Variants in CACNB2 observed in about 807,000 individuals in gnomAD.
CACNB2 encodes the protein calcium voltage-gated channel auxiliary subunit beta 2.
In CACNB2, 42 loss-of-function variants were observed where a neutral mutation model predicts 73.3. That is an observed-to-expected ratio of 0.57 (90% confidence interval 0.45 to 0.74). The LOEUF is 0.74. Ranked by LOEUF, CACNB2 falls within the 30% of genes least tolerant of loss-of-function variation. The pLI is 0.00. For synonymous variants in CACNB2, 348 were observed against 310.3 expected (o/e 1.12, Z -1.28); for missense variants, 940 against 853.0 (o/e 1.10, Z -1.27).
rs2035428589 is a variant in CACNB2 at position 18,214,251 on chromosome 10, T to C, written c.213+63276T>C. ...CCGGTTCTGATTTGGAAACAAGCAT[T>C]GCTGCCTGGAATGGATTAAAAACAG... On this transcript the variant is annotated intron_variant, in intron 2 of 13. Coordinates refer to ENST00000324631, the MANE Select transcript of CACNB2 (RefSeq NM_201596.3). 6.2e-5 allele frequency among the ~76,000 whole-genome samples: 3 copies of C among 48,592 alleles called. 1 individual carries two copies. The highest frequency in any genetic ancestry group is 1.3e-4 in the African/African-American group (3 of 22,228). 31.9% of individuals were successfully genotyped at this position (48,592 alleles called of 152,430 possible).
At chr10:18,472,527 G>T (rs996475958) in intron 3 of CACNB2, among the ~76,000 whole-genome samples, 10 of 152,120 alleles carry the variant, frequency 6.6e-5, no homozygotes, top group African/African-American at 2.4e-4. Context: ...ATGAGCCACT[G>T]TGCCTGGCCC....
intron 3 of CACNB2, among the ~76,000 whole-genome samples, chr10:18,495,563 G>GTGTGTC: frequency 6.9e-6 from 1 of 144,580 alleles, no homozygotes; most frequent in South Asian, 2.2e-4. Context: ...GTGTGTGTGT[G>GTGTGTC]TGTGTGTGTG....
chr10:18,449,750 C>A (rs1214649118), intron 3 of CACNB2, among the ~76,000 whole-genome samples: 1 of 152,222 alleles, frequency 6.6e-6, no homozygotes, highest in African/African-American at 2.4e-5. Flanking sequence ...TTCCCACTTC[C>A]CTTAACCATG....
intron 2 of CACNB2, among the ~76,000 whole-genome samples, chr10:18,155,178 T>C (rs1319375671): frequency 6.6e-6 from 1 of 152,224 alleles, no homozygotes; most frequent in Non-Finnish European, 1.5e-5. Flanking sequence ...CAGCCTCACC[T>C]GTCCCCTTTT....
chr10:18,480,453 A>G (rs1403432679), intron 3 of CACNB2, among the ~76,000 whole-genome samples: 1 of 152,198 alleles, frequency 6.6e-6, no homozygotes, highest in African/African-American at 2.4e-5. Context: ...AGTGCAATGA[A>G]TGATGTTGTT....
intron 2 of CACNB2, among the ~76,000 whole-genome samples, chr10:18,400,230 G>T (rs2043921266): frequency 6.6e-6 from 1 of 152,178 alleles, no homozygotes; most frequent in African/African-American, 2.4e-5. Context: ...AGCATTATTT[G>T]ATTTTTGCTA....
In CACNB2 at chr10:18,539,423, A is replaced by AGAG; in HGVS notation, c.1683_1685dup (p.Glu561_Ser562insArg). On this transcript the variant is annotated inframe_insertion, in exon 14 of 14. Coordinates refer to ENST00000324631, the MANE Select transcript of CACNB2 (RefSeq NM_201596.3). ...GAGACATTTGACTCGGAAACCCAGG[A>AGAG]GAGTCGAGACTCTGCCTACGTAGAG... 1 of 1,614,086 alleles carries AGAG rather than the reference A, an allele frequency of 6.2e-7. No homozygotes were observed.
intron 2 of CACNB2, among the ~76,000 whole-genome samples, chr10:18,366,944 C>T (rs947251286): frequency 2.0e-4 from 31 of 152,178 alleles, no homozygotes; most frequent in African/African-American, 7.5e-4. Context: ...ACTAGTATCA[C>T]TATATTCCAG....
intron 2 of CACNB2, among the ~76,000 whole-genome samples, chr10:18,220,201 G>GTATATATATATATATATA (rs773942256): frequency 4.3e-5 from 1 of 23,306 alleles, no homozygotes; most frequent in African/African-American, 2.8e-4. Flanking sequence ...ATATGTGTGT[G>GTATATATATATATATATA]TATATATATA....
chr10:18,395,622 C>T (rs1020440259), intron 2 of CACNB2, among the ~76,000 whole-genome samples: 3 of 152,084 alleles, frequency 2.0e-5, no homozygotes, highest in Admixed American at 1.3e-4. Flanking sequence ...TTAATCTCTT[C>T]ATTAGTACAT....
intron 3 of CACNB2, among the ~76,000 whole-genome samples, chr10:18,450,414 T>C (rs2046959028): frequency 6.6e-6 from 1 of 151,970 alleles, no homozygotes; most frequent in African/African-American, 2.4e-5. Context: ...TATTGAAGAA[T>C]AAGAAGGGCC....
intron 2 of CACNB2, among the ~76,000 whole-genome samples, chr10:18,212,532 T>C (rs999191030): frequency 1.3e-5 from 2 of 152,226 alleles, no homozygotes; most frequent in Non-Finnish European, 2.9e-5. Flanking sequence ...TGAACCATTT[T>C]TTCCTTTGTT....
At chr10:18,169,909 A>G (rs901314302) in intron 2 of CACNB2, among the ~76,000 whole-genome samples, 11 of 152,230 alleles carry the variant, frequency 7.2e-5, no homozygotes, top group African/African-American at 2.4e-4. Context: ...CCAGTTGTCA[A>G]TAGCTCATTG....
At chr10:18,226,063 G>A (rs1294783763) in intron 2 of CACNB2, among the ~76,000 whole-genome samples, 1 of 150,080 alleles carries the variant, frequency 6.7e-6, no homozygotes, top group African/African-American at 2.5e-5. Flanking sequence ...GTCTTGCTGT[G>A]TAGCCCGGGC....
At chr10:18,475,173 C>T (rs1228513703) in intron 3 of CACNB2, among the ~76,000 whole-genome samples, 2 of 151,726 alleles carry the variant, frequency 1.3e-5, no homozygotes, top group Non-Finnish European at 1.5e-5. Flanking sequence ...CCTTCCAGCA[C>T]GGCCCTGGGG....
intron 2 of CACNB2, among the ~76,000 whole-genome samples, chr10:18,258,605 A>C (rs1278812946): frequency 6.6e-6 from 1 of 152,128 alleles, no homozygotes; most frequent in African/African-American, 2.4e-5. Context: ...GGGCACCTGT[A>C]ATCCCAGCTA....
intron 2 of CACNB2, among the ~76,000 whole-genome samples, chr10:18,369,239 A>C (rs12262563): frequency 0.26 from 39,472 of 152,180 alleles, 5,319 homozygotes; most frequent in Non-Finnish European, 0.28. Flanking sequence ...ATCAAATTTA[A>C]AAATTACTTT....
intron 2 of CACNB2, among the ~76,000 whole-genome samples, chr10:18,345,755 AG>A (rs2041423589): frequency 6.6e-6 from 1 of 152,220 alleles, no homozygotes; most frequent in Non-Finnish European, 1.5e-5. Context: ...TTGAAGAAAT[AG>A]AGTATTCGCA....
intron 2 of CACNB2, among the ~76,000 whole-genome samples, chr10:18,267,412 C>G (rs529648395): frequency 2.0e-5 from 3 of 152,186 alleles, no homozygotes; most frequent in Admixed American, 1.3e-4. Context: ...TCAAGACCAG[C>G]CTGGCCAACA....
Sources: allele counts gnomAD v4.1 joint callset (sites outside exome capture counted in the v4.1 genomes callset), GRCh38; gene constraint gnomAD v4.1.1; transcripts MANE v1.5; gene names NCBI Gene and HGNC (gene_info 2026-07-23, HGNC 2026-07-21).